The following PSMD1 variants were observed in gnomAD, a reference collection of about 807,000 sequenced individuals.
PSMD1 encodes the protein proteasome 26S subunit, non-ATPase 1.
A neutral mutation model predicts 119.0 loss-of-function variants in PSMD1; 18 were observed. The ratio of observed to expected loss-of-function variants is 0.15; its 90% CI spans 0.10 to 0.22. The LOEUF (loss-of-function observed/expected upper bound fraction) is 0.22, where lower values mean the gene tolerates loss of function less well. PSMD1 is among the 10% of genes least tolerant of loss of function. The probability of loss-of-function intolerance (pLI) is 1.00; values close to 1 mark genes in which losing one functional copy is unlikely to be tolerated. For missense variants in PSMD1, 702 were observed against 1,158.5 expected, an observed-to-expected ratio of 0.61 and a Z score of 5.72; for synonymous variants, 374 against 396.6, an observed-to-expected ratio of 0.94 and a Z score of 0.68.
intron 16 of PSMD1, among the ~76,000 whole-genome samples, chr2:231,115,910 G>A (rs892980132): frequency 2.0e-5 from 3 of 152,076 alleles, no homozygotes; most frequent in African/African-American, 2.4e-5. Flanking sequence ...CAGGTGATTC[G>A]TATGCAAATT....
chr2:231,071,276 A>G (rs1458262783), intron 6 of PSMD1, among the ~76,000 whole-genome samples: 1 of 151,712 alleles, frequency 6.6e-6, no homozygotes, highest in African/African-American at 2.4e-5. Context: ...TTATCTTTTT[A>G]TTATTTTTAA....
At chr2:231,166,336 G>C (rs191301560) in intron 23 of PSMD1, among the ~76,000 whole-genome samples, 5 of 152,218 alleles carry the variant, frequency 3.3e-5, no homozygotes, top group African/African-American at 4.8e-5. Context: ...ATACTGCTCA[G>C]GCTAAGTGAC....
At chr2:231,102,943 C>A (rs1278540481) in intron 16 of PSMD1, among the ~76,000 whole-genome samples, 1 of 152,088 alleles carries the variant, frequency 6.6e-6, no homozygotes, top group Non-Finnish European at 1.5e-5. Context: ...CAGTAAGTTG[C>A]TAAAGTGCAT....
chr2:231,075,932 A>G (rs1441111389), intron 8 of PSMD1, among the ~76,000 whole-genome samples: 2 of 152,184 alleles, frequency 1.3e-5, no homozygotes, highest in Non-Finnish European at 2.9e-5. Context: ...TACTTAATAA[A>G]TATTTCCACA....
intron 7 of PSMD1, among the ~76,000 whole-genome samples, chr2:231,074,888 G>A (rs1400727902): frequency 6.6e-6 from 1 of 152,074 alleles, no homozygotes; most frequent in Non-Finnish European, 1.5e-5. Flanking sequence ...GGGTGCAGTG[G>A]TGCGATCATA....
In PSMD1 at chr2:231,162,136, G is replaced by A. The variant is rs115293507; in HGVS notation, c.2388+627G>A. On this transcript the variant is annotated intron_variant, in intron 20 of 24. Transcript: ENST00000308696. ...TTAAGTCAGAAATTTAAGGCACTGC[G>A]TGCCCTGTCATCACATTTGTGGTCA... Among the ~76,000 whole-genome samples, 476 of 152,354 alleles carry A rather than the reference G, an allele frequency of 3.1e-3. 1 individual carries two copies. The highest frequency in any genetic ancestry group is 0.011 in the African/African-American group (446 of 41,582).
chr2:231,087,218 A>AT (rs527832329), intron 16 of PSMD1, 37 bp downstream of exon 16: 74 of 1,572,672 alleles, frequency 4.7e-5, no homozygotes, highest in African/African-American at 2.4e-4. Context: ...TTTATATTTC[A>AT]TTTTTTTTGG....
At chr2:231,120,149 G>A (rs549321259) in intron 16 of PSMD1, among the ~76,000 whole-genome samples, 8 of 151,842 alleles carry the variant, frequency 5.3e-5, no homozygotes, top group Non-Finnish European at 1.0e-4. Flanking sequence ...ACAGGGTTTC[G>A]CCATCTTGGC....
chr2:231,067,224 A>C (rs1277621037), intron 5 of PSMD1, 113 bp downstream of exon 5: 2 of 795,016 alleles, frequency 2.5e-6, no homozygotes, highest in Admixed American at 7.0e-5. Context: ...TAGAAATAGC[A>C]GGTGATCTTT....
intron 16 of PSMD1, among the ~76,000 whole-genome samples, chr2:231,128,572 A>G (rs1191711842): frequency 2.6e-5 from 4 of 152,230 alleles, no homozygotes; most frequent in African/African-American, 4.8e-5. Flanking sequence ...CTGTCTTCTC[A>G]AAATGTCTTT....
chr2:231,084,841 G>A (rs1694392725), intron 14 of PSMD1, among the ~76,000 whole-genome samples, 178 bp from the exon 15 acceptor site: 1 of 152,080 alleles, frequency 6.6e-6, no homozygotes, highest in African/African-American at 2.4e-5. Flanking sequence ...ACCTCCTTCT[G>A]TATTTATGTG....
At chr2:231,108,552 C>G in intron 16 of PSMD1, 1 of 1,613,900 alleles carries the variant, frequency 6.2e-7, no homozygotes. Flanking sequence ...GTTTTGTCAC[C>G]TTCATTTTCA....
Position 231,170,657 on chromosome 2 carries a change from A to G in PSMD1, c.2807A>G (p.Glu936Gly). Reference sequence around the variant, plus strand: ...GTGGCAGCACATGGCCCAAAAATCGAGGAGGAGGAACAAGAGCCAGAACCC... The same window carrying G: ...GTGGCAGCACATGGCCCAAAAATCGGGGAGGAGGAACAAGAGCCAGAACCC... ...EPVAAHGPKIEEEEQEPEPPE... is the reference protein window; with the variant it reads ...EPVAAHGPKIGEEEQEPEPPE... Residue 936 changes from glutamate (E) to glycine (G), a missense_variant, in exon 24 of 25, where the codon GAG (glutamate) becomes GGG (glycine). Glu to Gly is a moderately conservative substitution (Grantham distance 98). Around this residue, in one of 9 missense-constraint regions of PSMD1, gnomAD observed 152 missense variants for 239.3 expected, o/e 0.64. Transcript: ENST00000308696. This position sits in a 1 kb window ranked among gnomAD's most constrained non-coding sequence, Gnocchi z 4.1. The G allele has an allele frequency of 6.2e-7, 1 of 1,614,116 alleles. No individual in the cohort carries two copies. The highest frequency in any genetic ancestry group is 1.3e-5 in the African/African-American group (1 of 75,056).
chr2:231,078,094 C>G (rs1694211289), intron 9 of PSMD1, among the ~76,000 whole-genome samples: 1 of 152,158 alleles, frequency 6.6e-6, no homozygotes, highest in Non-Finnish European at 1.5e-5. Context: ...ATGGTGAAAC[C>G]CCGTCTCTAC....
At chr2:231,078,581 C>A in intron 9 of PSMD1, 78 bp from the exon 10 acceptor site, 3 of 985,610 alleles carry the variant, frequency 3.0e-6, no homozygotes, top group Non-Finnish European at 2.9e-6. Context: ...CAAAATAGGA[C>A]CTCTGACTGT....
intron 1 of PSMD1, among the ~76,000 whole-genome samples, chr2:231,058,357 T>G (rs901241464): frequency 6.6e-6 from 1 of 152,228 alleles, no homozygotes; most frequent in Admixed American, 6.5e-5. Context: ...CAGCCCGTTT[T>G]TCTTGTGGAC....
chr2:231,107,861 A>G (rs748725132), intron 16 of PSMD1, among the ~76,000 whole-genome samples: 1 of 152,188 alleles, frequency 6.6e-6, no homozygotes, highest in Non-Finnish European at 1.5e-5. Context: ...CTTCTCCAAT[A>G]GACCTACCTG....
At chr2:231,144,411 C>G (rs1325250533) in intron 17 of PSMD1, among the ~76,000 whole-genome samples, 2 of 147,276 alleles carry the variant, frequency 1.4e-5, no homozygotes, top group Non-Finnish European at 3.0e-5. Context: ...GCCACCACGC[C>G]CAGCTAATTT....
At position 231,169,409 on chromosome 2, in the gene PSMD1, A is replaced by G. The variant is rs1371715412; in HGVS notation, c.2716-1157A>G. On this transcript the variant is annotated intron_variant, in intron 23 of 24. Coordinates refer to ENST00000308696, the MANE Select transcript of PSMD1 (RefSeq NM_002807.4). ...TGGCCCTATGCTCCATTCTGGGAGT[A>G]TTGGCAGTAAGGGCAGGGTCCATTC... 4.6e-5 allele frequency among the ~76,000 whole-genome samples: 7 copies of G among 152,306 alleles called. 1 individual carries two copies. The South Asian group carries it at 1.5e-3, about 32-fold the overall frequency.
Sources: allele counts gnomAD v4.1 joint callset (sites outside exome capture counted in the v4.1 genomes callset), GRCh38; gene constraint gnomAD v4.1.1; regional missense constraint gnomAD v4.1.1; non-coding constraint Gnocchi (gnomAD v3.1); transcripts MANE v1.5; gene names NCBI Gene and HGNC (gene_info 2026-07-23, HGNC 2026-07-21).